PYHIN1: variants seen among roughly 807,000 people sequenced by gnomAD.
PYHIN1 encodes pyrin and HIN domain family member 1, also known as pyrin and HIN domain-containing protein 1.
PYHIN1 carries 32 observed loss-of-function variants against 43.7 expected under a neutral mutation model. The observed-to-expected ratio is 0.73, with a 90% CI of 0.55 to 0.98. The LOEUF (loss-of-function observed/expected upper bound fraction) is 0.98. Among genes scored for constraint, PYHIN1 ranks in the 50% least tolerant of loss-of-function variants. PYHIN1 has a pLI of 0.00. For missense variants in PYHIN1, 588 were observed against 589.5 expected (o/e 1.00, Z 0.03); for synonymous variants, 205 against 203.1 (o/e 1.01, Z -0.08).
chr1:158,976,388 C>T (rs1651259527), intron 8 of PYHIN1, among the ~76,000 whole-genome samples: 2 of 152,018 alleles, frequency 1.3e-5, no homozygotes, highest in Non-Finnish European at 1.5e-5. Flanking sequence ...TGAGAAGTTT[C>T]CCTTTAGCCC....
At position 158,942,020 on chromosome 1, in the gene PYHIN1, A is replaced by G. The variant is rs376350054; in HGVS notation, c.623A>G (p.Asn208Ser). ...AACCGTCACGCAACTGCCAGTAAAAATATTTTCCGAGAAGACCCAATAATC... is the reference window on the plus strand; with the variant it reads ...AACCGTCACGCAACTGCCAGTAAAAGTATTTTCCGAGAAGACCCAATAATC... ...LANRHATASK[N>S]IFREDPIIAM... Residue 208 changes from asparagine (N) to serine (S), a missense_variant, in exon 5 of 9, where the codon AAT becomes AGT. Asn to Ser is a conservative substitution (Grantham distance 46, BLOSUM62 1). Coordinates refer to ENST00000368140, the MANE Select transcript of PYHIN1 (RefSeq NM_152501.5). 1.3e-5 allele frequency: 21 copies of G among 1,611,956 alleles called. No individual in the cohort carries two copies. Among genetic ancestry groups the G allele is most frequent in the Non-Finnish European group, 1.8e-5 (21 of 1,178,970 alleles).
At chr1:158,967,024 C>T (rs1391322102) in intron 7 of PYHIN1, among the ~76,000 whole-genome samples, 1 of 152,066 alleles carries the variant, frequency 6.6e-6, no homozygotes, top group East Asian at 1.9e-4. Context: ...TTTCAGGATA[C>T]AAAATCAATA....
chr1:158,952,108 GTTT>G (rs35079460), intron 7 of PYHIN1, among the ~76,000 whole-genome samples: 16 of 118,106 alleles, frequency 1.4e-4, no homozygotes, highest in East Asian at 2.5e-4. Flanking sequence ...GCCTGTGTCG[GTTT>G]TTTTTTTTTT....
chr1:158,948,924 G>C (rs913370322), intron 7 of PYHIN1, among the ~76,000 whole-genome samples: 10 of 152,184 alleles, frequency 6.6e-5, no homozygotes, highest in African/African-American at 2.4e-4. Flanking sequence ...CTGCACCTGG[G>C]TCACAAAGGC....
At chr1:158,972,760 C>A (rs1261195812) in intron 7 of PYHIN1, among the ~76,000 whole-genome samples, 1 of 152,104 alleles carries the variant, frequency 6.6e-6, no homozygotes. Context: ...CTAAAACTGT[C>A]TTCAAGCAAG....
At chr1:158,987,307 G>A in the PYHIN1 span, among the ~76,000 whole-genome samples, 1 of 152,166 alleles carries the variant, frequency 6.6e-6, no homozygotes, top group Non-Finnish European at 1.5e-5. Context: ...TTTCCCTGAT[G>A]ACTAATAATG....
At chr1:158,940,459 T>A (rs777216564) in intron 4 of PYHIN1, among the ~76,000 whole-genome samples, 3 of 152,068 alleles carry the variant, frequency 2.0e-5, no homozygotes, top group Non-Finnish European at 2.9e-5. Context: ...TGAAAGAAAG[T>A]AAATTACAAT....
At chr1:158,941,214 A>G (rs1648891823) in intron 4 of PYHIN1, among the ~76,000 whole-genome samples, 1 of 152,188 alleles carries the variant, frequency 6.6e-6, no homozygotes, top group Non-Finnish European at 1.5e-5. Context: ...TTTTTCTTGA[A>G]ATTGAACAAC....
chr1:158,980,381 C>A (rs1166576707), downstream of PYHIN1, among the ~76,000 whole-genome samples: 1 of 152,124 alleles, frequency 6.6e-6, no homozygotes, highest in Admixed American at 6.6e-5. Flanking sequence ...TAAGCTCTGA[C>A]TGCCTGCGGG....
rs982577383 is a variant in PYHIN1, at chr1:158,950,431, T to A, written c.1359+5389T>A. On this transcript the variant is annotated intron_variant, in intron 7 of 8. Transcript: ENST00000368140. ...GTCCTGCAGGGTTAGTTCCTTCATT[T>A]CTGGTACCAGGTTGGGTCCTAGCCA... 4.0e-4 allele frequency among the ~76,000 whole-genome samples: 61 copies of A among 152,230 alleles called. 1 individual carries two copies. The highest frequency in any genetic ancestry group is 1.4e-3 in the African/African-American group (59 of 41,538).
At chr1:158,972,510 C>T (rs1028664879) in intron 7 of PYHIN1, among the ~76,000 whole-genome samples, 1 of 151,762 alleles carries the variant, frequency 6.6e-6, no homozygotes, top group African/African-American at 2.4e-5. Flanking sequence ...GATTTATGAT[C>T]CAGATATAGA....
intron 4 of PYHIN1, chr1:158,939,519 T>C: frequency 6.4e-7 from 1 of 1,550,636 alleles, no homozygotes; most frequent in African/African-American, 1.4e-5. Flanking sequence ...ACTCACTGTC[T>C]ACTGCCCCCA....
chr1:158,942,022 A>G lies in PYHIN1; in HGVS notation c.625A>G (p.Ile209Val). 1 of 1,612,014 alleles carries G rather than the reference A, an allele frequency of 6.2e-7. No homozygotes were observed. The highest frequency in any genetic ancestry group is 8.5e-7 in the Non-Finnish European group (1 of 1,178,968). The change falls in exon 5 of 9, where the codon ATT becomes GTT. Residue 209 changes from isoleucine (I) to valine (V), a missense_variant. By Grantham distance (29) the Ile-to-Val change is conservative. Transcript: ENST00000368140. The part of the protein sequence containing the change: ...ANRHATASKN[I>V]FREDPIIAMV... ...CCGTCACGCAACTGCCAGTAAAAAT[A>G]TTTTCCGAGAAGACCCAATAATCGC...
At chr1:158,973,370 C>A (rs1423166831) in intron 7 of PYHIN1, among the ~76,000 whole-genome samples, 1 of 151,974 alleles carries the variant, frequency 6.6e-6, no homozygotes, top group African/African-American at 2.4e-5. Flanking sequence ...CATGCCTAAT[C>A]ATTTCCAGCT....
chr1:158,971,425 GATAT>G (rs57225452), intron 7 of PYHIN1, among the ~76,000 whole-genome samples: 4 of 149,826 alleles, frequency 2.7e-5, no homozygotes, highest in African/African-American at 4.9e-5. Flanking sequence ...ACATTAACAA[GATAT>G]ATATATATAT....
rs1648951592 is a variant in PYHIN1 at position 158,942,078 on chromosome 1, A to G, written c.681A>G (p.Lys227=). The change falls in exon 5 of 9, where the codon AAA becomes AAG. Residue 227 remains lysine (K), a synonymous_variant. Transcript: ENST00000368140. ...TACTAAATGCAACAAAAGTATTTAA[A>G]TATGAATCCTCAGAAAATGAGCAAA... The part of the protein sequence containing the change: ...AMVLNATKVF[K]YESSENEQRR... The G allele has an allele frequency of 6.2e-7, 1 of 1,614,194 alleles. No individual in the cohort carries two copies. The highest frequency in any genetic ancestry group is 8.5e-7 in the Non-Finnish European group (1 of 1,180,006).
chr1:158,937,470 T>C (rs1049903579), intron 2 of PYHIN1, among the ~76,000 whole-genome samples: 1 of 152,156 alleles, frequency 6.6e-6, no homozygotes, highest in African/African-American at 2.4e-5. Flanking sequence ...CAAAATAAAA[T>C]TATAAAAATT....
intron 8 of PYHIN1, among the ~76,000 whole-genome samples, chr1:158,974,053 G>A (rs1557846784): frequency 6.6e-6 from 1 of 152,040 alleles, no homozygotes; most frequent in Non-Finnish European, 1.5e-5. Flanking sequence ...GACAAGGAGA[G>A]ATGAATACAA....
rs1452435744 is a variant in PYHIN1, at chr1:158,958,165, A to C, written c.1359+13123A>C. ...ACTTTTACACTGTTGGTGGGACTGTAAACTAGTTCAACCATTGTGGAAGTC... is the reference window on the plus strand; with the variant it reads ...ACTTTTACACTGTTGGTGGGACTGTCAACTAGTTCAACCATTGTGGAAGTC... On this transcript the variant is annotated intron_variant, in intron 7 of 8. Coordinates refer to ENST00000368140, the MANE Select transcript of PYHIN1 (RefSeq NM_152501.5). Among the ~76,000 whole-genome samples the C allele has an allele frequency of 2.0e-5, 3 of 151,568 alleles. No homozygotes were observed. The East Asian group carries it at 5.9e-4, about 30-fold the overall frequency.
Sources: allele counts gnomAD v4.1 joint callset (sites outside exome capture counted in the v4.1 genomes callset), GRCh38; gene constraint gnomAD v4.1.1; transcripts MANE v1.5; gene names NCBI Gene and HGNC (gene_info 2026-07-23, HGNC 2026-07-21).